CCSER1: variants seen among roughly 807,000 people sequenced by gnomAD.
The protein encoded by CCSER1 is serine-rich coiled-coil domain-containing protein 1.
CCSER1 carries 41 observed loss-of-function variants against 82.0 expected under a neutral mutation model. That is an observed-to-expected ratio of 0.50 (90% CI 0.39 to 0.65). CCSER1 has a LOEUF of 0.65. Ranked by LOEUF, CCSER1 falls within the 30% of genes least tolerant of loss-of-function variation. The pLI is 0.00. For synonymous variants in CCSER1, 414 were observed against 383.9 expected, an observed-to-expected ratio of 1.08 and a Z score of -0.92; for missense variants, 1,119 against 1,064.2, an observed-to-expected ratio of 1.05 and a Z score of -0.72.
chr4:90,352,063 G>A (rs924253421), intron 3 of CCSER1, among the ~76,000 whole-genome samples: 13 of 152,244 alleles, frequency 8.5e-5, no homozygotes, highest in Admixed American at 2.0e-4. Flanking sequence ...AGCGGCTCAC[G>A]CCTGTAATCC....
intron 9 of CCSER1, among the ~76,000 whole-genome samples, chr4:90,979,883 C>A (rs1414059347): frequency 1.3e-5 from 2 of 151,672 alleles, no homozygotes; most frequent in Non-Finnish European, 2.9e-5. Flanking sequence ...CTAGCATATG[C>A]TTACTGATAT....
intron 10 of CCSER1, among the ~76,000 whole-genome samples, chr4:91,379,227 C>T (rs946144767): frequency 7.2e-5 from 11 of 152,130 alleles, no homozygotes; most frequent in African/African-American, 2.7e-4. Context: ...TTTGTTGTGT[C>T]TCTGTCAGGC....
chr4:90,234,359 G>A (rs1239028822), intron 1 of CCSER1, among the ~76,000 whole-genome samples: 4 of 151,990 alleles, frequency 2.6e-5, no homozygotes, highest in Non-Finnish European at 5.9e-5. Context: ...TGGGATTACA[G>A]GTGCCCGCCA....
chr4:90,547,612 TA>T (rs1776936724), intron 5 of CCSER1, among the ~76,000 whole-genome samples: 1 of 152,136 alleles, frequency 6.6e-6, no homozygotes, highest in Non-Finnish European at 1.5e-5. Flanking sequence ...TCAAAAACTT[TA>T]AAAGTTGGAA....
intron 4 of CCSER1, among the ~76,000 whole-genome samples, chr4:90,451,578 C>T (rs776055296): frequency 3.3e-5 from 5 of 152,188 alleles, no homozygotes; most frequent in Middle Eastern, 3.2e-3. Context: ...CCAGCTGGAA[C>T]CCAGCTGGAA....
In CCSER1 at chr4:90,312,868, G is replaced by T. The variant is rs1257915465; in HGVS notation, c.1330G>T (p.Ala444Ser). The change falls in exon 3 of 11, where the codon GCC becomes TCC. Residue 444 changes from alanine (A) to serine (S), a missense_variant. Coordinates refer to ENST00000509176, the MANE Select transcript of CCSER1 (RefSeq NM_001145065.2). ...GYEANPAKVLASSLSPFREGR... is the reference protein window; with the variant it reads ...GYEANPAKVLSSSLSPFREGR... The stretch of plus-strand genomic sequence containing the variant: ...ATTTATTTTCCTTTCCATAGTTCTT[G>T]CCAGTAGTCTCAGTCCATTTCGTGA... 2 of 1,559,694 alleles carry T rather than the reference G, an allele frequency of 1.3e-6. No individual in the cohort carries two copies. The highest frequency in any genetic ancestry group is 2.4e-5 in the South Asian group (2 of 84,646).
intron 9 of CCSER1, among the ~76,000 whole-genome samples, chr4:90,964,933 A>G (rs1405766461): frequency 6.6e-6 from 1 of 151,934 alleles, no homozygotes; most frequent in Non-Finnish European, 1.5e-5. Context: ...TTGCCTTGCT[A>G]TCCGGTGACC....
At chr4:91,390,380 T>C (rs972967680) in intron 10 of CCSER1, among the ~76,000 whole-genome samples, 4 of 151,974 alleles carry the variant, frequency 2.6e-5, no homozygotes, top group African/African-American at 9.7e-5. Flanking sequence ...GAACCTGGGG[T>C]AAATCACACT....
At chr4:90,872,671 A>G (rs1766686169) in intron 8 of CCSER1, among the ~76,000 whole-genome samples, 1 of 151,962 alleles carries the variant, frequency 6.6e-6, no homozygotes. Context: ...CAGTGTTATA[A>G]TACTCTGTAT....
At chr4:91,154,453 G>A (rs767525757) in intron 10 of CCSER1, among the ~76,000 whole-genome samples, 8 of 151,884 alleles carry the variant, frequency 5.3e-5, no homozygotes, top group Non-Finnish European at 7.4e-5. Context: ...GACCACTTGC[G>A]CTTCCTGGGT....
chr4:91,537,502 T>C (rs915782733), intron 10 of CCSER1, among the ~76,000 whole-genome samples: 1 of 152,004 alleles, frequency 6.6e-6, no homozygotes, highest in African/African-American at 2.4e-5. Context: ...AGCATGTTAC[T>C]CAGTGATAAA....
intron 10 of CCSER1, among the ~76,000 whole-genome samples, chr4:91,435,852 T>C (rs1011270059): frequency 4.6e-5 from 7 of 152,216 alleles, no homozygotes; most frequent in Non-Finnish European, 1.0e-4. Context: ...CTTTTTGTCT[T>C]ACTTTCATTT....
chr4:90,470,869 A>G (rs1306593663), intron 5 of CCSER1, among the ~76,000 whole-genome samples: 2 of 151,762 alleles, frequency 1.3e-5, no homozygotes, highest in South Asian at 4.2e-4. Context: ...CACTATATCC[A>G]AAAGTATTTG....
chr4:91,544,327 C>T (rs1761770342), intron 10 of CCSER1, among the ~76,000 whole-genome samples: 1 of 152,172 alleles, frequency 6.6e-6, no homozygotes, highest in Admixed American at 6.5e-5. Flanking sequence ...AGTCATTCTC[C>T]ATCCTGCTTT....
intron 5 of CCSER1, among the ~76,000 whole-genome samples, chr4:90,477,281 A>G (rs1312761980): frequency 6.6e-6 from 1 of 152,228 alleles, no homozygotes; most frequent in Non-Finnish European, 1.5e-5. Context: ...GAAATCTGAA[A>G]CATCTCATCT....
chr4:91,165,925 C>G (rs1732006827), intron 10 of CCSER1, among the ~76,000 whole-genome samples: 1 of 152,200 alleles, frequency 6.6e-6, no homozygotes, highest in Non-Finnish European at 1.5e-5. Context: ...GGCTCACCCT[C>G]CATGGGCTGC....
chr4:91,074,251 AATT>A (rs145707724), intron 9 of CCSER1, among the ~76,000 whole-genome samples: 2,827 of 152,330 alleles, frequency 0.019, 60 homozygotes, highest in African/African-American at 0.053. Flanking sequence ...CTATGGTCAG[AATT>A]AAATTAATCC....
intron 1 of CCSER1, among the ~76,000 whole-genome samples, chr4:90,128,516 T>TGTGTGTGTGTGTGTGTGC (rs994567297): frequency 9.3e-5 from 12 of 128,588 alleles, no homozygotes; most frequent in African/African-American, 3.8e-4. Flanking sequence ...TGTGTGTGTG[T>TGTGTGTGTGTGTGTGTGC]GCGCGCGCGC....
chr4:91,572,528 G>A (rs1183760326), intron 10 of CCSER1, among the ~76,000 whole-genome samples: 1 of 152,148 alleles, frequency 6.6e-6, no homozygotes, highest in Non-Finnish European at 1.5e-5. Context: ...GGCAAAGACG[G>A]TAGCCTGGTG....
Sources: gnomAD v4.1 joint callset for allele counts (sites outside exome capture counted in the v4.1 genomes callset) on GRCh38, gnomAD v4.1.1 for gene constraint, MANE v1.5 for transcripts, NCBI Gene and HGNC (gene_info 2026-07-23, HGNC 2026-07-21) for gene names.